RGS5: variants seen among roughly 807,000 people sequenced by gnomAD.
RGS5 encodes the protein regulator of G protein signaling 5.
RGS5 carries 20 observed loss-of-function variants against 18.9 expected under a neutral mutation model. The ratio of observed to expected loss-of-function variants is 1.06; its 90% CI spans 0.74 to 1.54. RGS5 has a LOEUF of 1.54. RGS5 is among the 40% of genes most tolerant of loss of function. RGS5 has a pLI of 0.00. For missense variants in RGS5, 201 were observed against 211.8 expected (o/e 0.95, Z 0.32); for synonymous variants, 57 against 76.2 (o/e 0.75, Z 1.31).
At chr1:163,202,699 A>T (rs1275879293) in intron 1 of RGS5, 93 bp downstream of exon 1, 1 of 1,126,264 alleles carries the variant, frequency 8.9e-7, no homozygotes, top group Non-Finnish European at 1.3e-6. Context: ...GCTTAGCCAT[A>T]AACTACAATA....
At chr1:163,249,216 G>A (rs1398280428) in intron 2 of RGS5, among the ~76,000 whole-genome samples, 2 of 152,160 alleles carry the variant, frequency 1.3e-5, no homozygotes, top group East Asian at 3.9e-4. Flanking sequence ...TCTTCTCTAT[G>A]AGGAGTACAA....
intron 2 of RGS5, among the ~76,000 whole-genome samples, chr1:163,292,483 C>T (rs1649313290): frequency 6.6e-6 from 1 of 152,140 alleles, no homozygotes. Flanking sequence ...TGAACACACA[C>T]ATGCATGCAT....
At chr1:163,311,922 T>C (rs1029422586) in intron 1 of RGS5, among the ~76,000 whole-genome samples, 17 of 152,234 alleles carry the variant, frequency 1.1e-4, no homozygotes. Context: ...AAATGCAGTA[T>C]CTGCAAATCA....
intron 2 of RGS5, among the ~76,000 whole-genome samples, chr1:163,301,392 G>A (rs970835082): frequency 6.6e-6 from 1 of 152,010 alleles, no homozygotes. Context: ...GAGTGCAGTG[G>A]CACCATCTTA....
In RGS5 at chr1:163,270,587, T is replaced by C. The variant is rs77248945; in HGVS notation, c.-281+35646A>G. Among the ~76,000 whole-genome samples, 1,362 of 152,176 alleles carry C rather than the reference T, an allele frequency of 9.0e-3. 14 individuals carry two copies. Among genetic ancestry groups the C allele is most frequent in the Middle Eastern group, 0.051 (15 of 294 alleles). On this transcript the variant is annotated intron_variant, in intron 2 of 5. Coordinates refer to the RGS5 transcript ENST00000618415. ...ATAACTCTGTAGTTAATTCAATTTG[T>C]GGAAGCCAGAAAATGAATTTACCTG...
chr1:163,306,847 G>A (rs1421150473), intron 1 of RGS5, among the ~76,000 whole-genome samples: 1 of 152,140 alleles, frequency 6.6e-6, no homozygotes, highest in Non-Finnish European at 1.5e-5. Context: ...AAGCCAGGGA[G>A]AGGCATGAAA....
chr1:163,156,626 C>T (rs563688682), intron 3 of RGS5, among the ~76,000 whole-genome samples: 65 of 152,192 alleles, frequency 4.3e-4, no homozygotes, highest in Admixed American at 8.5e-4. Context: ...TAAATCTGTG[C>T]ACCTAACATT....
intron 2 of RGS5, among the ~76,000 whole-genome samples, chr1:163,162,596 A>T (rs190479574): frequency 5.0e-4 from 76 of 152,036 alleles, no homozygotes; most frequent in African/African-American, 1.8e-3. Flanking sequence ...ACTCTTTCTA[A>T]TTTAAAAAAA....
intron 1 of RGS5, among the ~76,000 whole-genome samples, chr1:163,168,812 T>C (rs1203412489): frequency 6.6e-6 from 1 of 152,140 alleles, no homozygotes; most frequent in African/African-American, 2.4e-5. Flanking sequence ...TTCTGAGGGC[T>C]CTGGTCTTCA....
At chr1:163,180,686 GTTTTTT>G (rs1026995196) in intron 1 of RGS5, among the ~76,000 whole-genome samples, 6 of 61,964 alleles carry the variant, frequency 9.7e-5, no homozygotes, top group African/African-American at 2.9e-4. Flanking sequence ...CCCTTACCCT[GTTTTTT>G]TTTTTTTTTT....
At chr1:163,167,701 C>T (rs535859656) in intron 2 of RGS5, among the ~76,000 whole-genome samples, 1 of 152,142 alleles carries the variant, frequency 6.6e-6, no homozygotes, top group South Asian at 2.1e-4. Flanking sequence ...GTCCAGTATT[C>T]GTTCTTCACT....
chr1:163,149,479 A>G (rs754363600), intron 4 of RGS5, among the ~76,000 whole-genome samples: 5 of 152,188 alleles, frequency 3.3e-5, no homozygotes, highest in African/African-American at 9.7e-5. Context: ...CCTCTAGGAC[A>G]TAGTATCCAC....
At chr1:163,264,112 C>G (rs1285448781) in intron 2 of RGS5, among the ~76,000 whole-genome samples, 1 of 151,972 alleles carries the variant, frequency 6.6e-6, no homozygotes, top group Non-Finnish European at 1.5e-5. Context: ...AATAAGAGGT[C>G]TTAAATTTCA....
At chr1:163,307,186 A>G (rs920762786) in intron 1 of RGS5, among the ~76,000 whole-genome samples, 1 of 152,218 alleles carries the variant, frequency 6.6e-6, no homozygotes, top group African/African-American at 2.4e-5. Context: ...TCCTGCCCTT[A>G]GATCTCTAGC....
In RGS5 at chr1:163,161,968, A is replaced by C; in HGVS notation, c.164T>G (p.Leu55Arg). 6.2e-7 allele frequency: 1 copy of C among 1,612,910 alleles called. No homozygotes were observed. Among genetic ancestry groups the C allele is most frequent in the Non-Finnish European group, 8.5e-7 (1 of 1,178,990 alleles). The change falls in exon 3 of 5, where the codon CTG (leucine) becomes CGG (arginine). Residue 55 changes from leucine to arginine, a missense_variant. Leu to Arg is a moderately radical substitution (Grantham distance 102). Transcript: ENST00000313961. ...ATCACGCCACTGCAGGGCCTCGTCC[A>C]GCGAGGTTCTACATCAATAATAAGG... is the stretch of plus-strand genomic sequence containing the variant. ...EKPAKTQKTS[L>R]DEALQWRDSL...
chr1:163,187,052 C>T (rs1659121163), intron 1 of RGS5, among the ~76,000 whole-genome samples: 1 of 151,936 alleles, frequency 6.6e-6, no homozygotes, highest in Admixed American at 6.6e-5. Context: ...AAATGTTTTC[C>T]ATAAGTAGCT....
chr1:163,309,251 C>T (rs76026292), intron 1 of RGS5, among the ~76,000 whole-genome samples: 13,565 of 152,158 alleles, frequency 0.089, 675 homozygotes, highest in African/African-American at 0.13. Context: ...GCAGCAATTT[C>T]CTAAAATAAG....
At chr1:163,167,603 G>A (rs764480952) in intron 2 of RGS5, among the ~76,000 whole-genome samples, 8 of 152,058 alleles carry the variant, frequency 5.3e-5, no homozygotes, top group Non-Finnish European at 8.8e-5. Context: ...AGGAGAATGG[G>A]GATGAGGGAG....
At position 163,312,250 on chromosome 1, in the gene RGS5, G is replaced by T. The variant is rs1206285728; in HGVS notation, c.-377-5921C>A. Among the ~76,000 whole-genome samples the T allele has an allele frequency of 2.0e-5, 3 of 152,148 alleles. No homozygotes were observed. The East Asian group carries it at 5.8e-4, about 29-fold the overall frequency. On this transcript the variant is annotated intron_variant, in intron 1 of 5. Transcript: ENST00000618415. ...GCCTGCTTCCTCTTCCACCATGATT[G>T]TAAGTTTCCAGAGGCCTCCCCAGCC...
Sources: allele counts gnomAD v4.1 joint callset (sites outside exome capture counted in the v4.1 genomes callset), GRCh38; gene constraint gnomAD v4.1.1; transcripts MANE v1.5; gene names NCBI Gene and HGNC (gene_info 2026-07-23, HGNC 2026-07-21).